The following SNTG2 variants were observed in gnomAD, a reference collection of about 807,000 sequenced individuals.
The protein encoded by SNTG2 is syntrophin gamma 2, also known as gamma-2-syntrophin.
A neutral mutation model predicts 70.9 loss-of-function variants in SNTG2; 74 were observed. The ratio of observed to expected loss-of-function variants is 1.04; its 90% CI spans 0.86 to 1.27. The LOEUF is 1.27. SNTG2 is among the 50% of genes most tolerant of loss of function. SNTG2 has a pLI of 0.00. For missense variants in SNTG2, 717 were observed against 690.7 expected, an observed-to-expected ratio of 1.04 and a Z score of -0.43; for synonymous variants, 278 against 273.8, an observed-to-expected ratio of 1.02 and a Z score of -0.15.
chr2:1,110,101 T>G (rs1214154886), intron 4 of SNTG2, among the ~76,000 whole-genome samples: 2 of 151,966 alleles, frequency 1.3e-5, no homozygotes, highest in Non-Finnish European at 2.9e-5. Flanking sequence ...CTACATTTGG[T>G]GGGGAAGGAA....
In SNTG2 at chr2:1,097,991, T is replaced by C. The variant is rs1665505201; in HGVS notation, c.211-205T>C. ...CAGACAATGCCTGGAATGGGGCCTA[T>C]TCTTTATCACTGTCTTCGTTTTCAT... On this transcript the variant is annotated intron_variant, in intron 2 of 16. Coordinates refer to ENST00000308624, the MANE Select transcript of SNTG2 (RefSeq NM_018968.4). This position sits in a 1 kb window ranked among gnomAD's most constrained non-coding sequence, Gnocchi z 4.1. Among the ~76,000 whole-genome samples, 1 of 152,106 alleles carries C rather than the reference T, an allele frequency of 6.6e-6. No homozygotes were observed. The highest frequency in any genetic ancestry group is 2.1e-4 in the South Asian group (1 of 4,832).
intron 1 of SNTG2, among the ~76,000 whole-genome samples, chr2:1,077,189 T>G (rs1230216317): frequency 6.6e-6 from 1 of 152,188 alleles, no homozygotes; most frequent in Non-Finnish European, 1.5e-5. Flanking sequence ...GGATGAATTC[T>G]TAGAAGTAAA....
In SNTG2 at chr2:1,278,438, C is replaced by A. The variant is rs955496498; in HGVS notation, c.1284+10867C>A. Among the ~76,000 whole-genome samples, 105 of 152,256 alleles carry A rather than the reference C, an allele frequency of 6.9e-4. 1 individual carries two copies. Among genetic ancestry groups the A allele is most frequent in the African/African-American group, 2.5e-3 (104 of 41,532 alleles). ...GCTAGTGAGGTCTGCTGTTACCTGA[C>A]CATGTCAGTTACTGCACCATGCTAT... On this transcript the variant is annotated intron_variant, in intron 14 of 16. Coordinates refer to ENST00000308624, the MANE Select transcript of SNTG2 (RefSeq NM_018968.4).
At chr2:1,209,773 G>A (rs1406468277) in intron 9 of SNTG2, among the ~76,000 whole-genome samples, 7 of 152,182 alleles carry the variant, frequency 4.6e-5, no homozygotes, top group Non-Finnish European at 8.8e-5. Context: ...TTGGCTAATT[G>A]TGCTATTTAA....
chr2:1,338,446 T>G (rs532335994), intron 16 of SNTG2, among the ~76,000 whole-genome samples: 3 of 152,332 alleles, frequency 2.0e-5, no homozygotes, highest in South Asian at 2.1e-4. Flanking sequence ...TACTTTTTCA[T>G]CCTATTGTAA....
chr2:1,144,767 A>G (rs7598014), intron 6 of SNTG2, among the ~76,000 whole-genome samples: 56,424 of 152,054 alleles, frequency 0.37, 11,280 homozygotes, highest in East Asian at 0.83. Flanking sequence ...CCATGATTCA[A>G]TTACCTCCCA....
intron 6 of SNTG2, among the ~76,000 whole-genome samples, chr2:1,162,266 T>C (rs1324372327): frequency 2.6e-5 from 4 of 151,988 alleles, no homozygotes; most frequent in Non-Finnish European, 4.4e-5. Flanking sequence ...ATAGACTCAC[T>C]TACCTCGGGT....
At position 1,367,411 on chromosome 2, in the gene SNTG2, C is replaced by G; in HGVS notation, c.1557C>G (p.Ala519=). The G allele has an allele frequency of 1.9e-6, 3 of 1,551,744 alleles. No individual in the cohort carries two copies. The highest frequency in any genetic ancestry group is 2.6e-6 in the Non-Finnish European group (3 of 1,147,012). The part of the protein sequence containing the change: ...CIHSFIAAKV[A]SVDPGFMDSQ... ...ACTCCTTCATAGCAGCCAAGGTGGC[C>G]TCCGTGGACCCCGGCTTCATGGACA... The change falls in exon 17 of 17, where the codon GCC becomes GCG. Residue 519 remains alanine, a synonymous_variant. Transcript: ENST00000308624.
chr2:1,336,624 G>A (rs1659831223), intron 16 of SNTG2, among the ~76,000 whole-genome samples: 1 of 152,080 alleles, frequency 6.6e-6, no homozygotes, highest in South Asian at 2.1e-4. Flanking sequence ...TCCATTTTGA[G>A]TTGATTTTTT....
At chr2:1,095,100 G>A (rs200977594) in intron 2 of SNTG2, among the ~76,000 whole-genome samples, 1 of 151,364 alleles carries the variant, frequency 6.6e-6, no homozygotes, top group Non-Finnish European at 1.5e-5. Context: ...GAAAAAAAAA[G>A]AGAGAGAGAG....
chr2:1,072,437 C>A (rs1003018218), intron 1 of SNTG2, among the ~76,000 whole-genome samples: 2 of 144,256 alleles, frequency 1.4e-5, no homozygotes, highest in South Asian at 4.4e-4. Context: ...TAAATAAAAC[C>A]ACAAAGACTG....
intron 1 of SNTG2, among the ~76,000 whole-genome samples, chr2:1,007,864 C>A (rs1355309282): frequency 2.6e-5 from 4 of 152,180 alleles, no homozygotes; most frequent in African/African-American, 9.7e-5. Context: ...ACCTCCACCC[C>A]CTGCCTCAGC....
intron 1 of SNTG2, among the ~76,000 whole-genome samples, chr2:998,237 T>A (rs1185935447): frequency 1.3e-5 from 2 of 152,080 alleles, no homozygotes; most frequent in Non-Finnish European, 2.9e-5. Flanking sequence ...TCTGGAAGTA[T>A]GAACAGAGTA....
chr2:1,297,771 G>T (rs542629984), intron 14 of SNTG2, among the ~76,000 whole-genome samples: 20 of 152,356 alleles, frequency 1.3e-4, no homozygotes, highest in African/African-American at 4.6e-4. Context: ...GGTCCAGAAG[G>T]CAGGGATCTT....
At chr2:1,131,325 C>G (rs1170478358) in intron 4 of SNTG2, among the ~76,000 whole-genome samples, 1 of 152,132 alleles carries the variant, frequency 6.6e-6, no homozygotes, top group Non-Finnish European at 1.5e-5. Flanking sequence ...TCTTTCTTAT[C>G]AGGAGGTAAA....
intron 1 of SNTG2, among the ~76,000 whole-genome samples, chr2:967,666 A>G (rs1194489651): frequency 6.6e-6 from 1 of 151,990 alleles, no homozygotes; most frequent in African/African-American, 2.4e-5. Flanking sequence ...GTTTCTCTTC[A>G]TGTTGTGCCT....
chr2:1,175,433 G>A (rs1031575263), intron 8 of SNTG2, among the ~76,000 whole-genome samples: 4 of 151,946 alleles, frequency 2.6e-5, no homozygotes, highest in Admixed American at 2.0e-4. Context: ...TTTTTCTTGT[G>A]AATTTCAATA....
chr2:1,149,708 A>AG (rs1558458484), intron 6 of SNTG2, among the ~76,000 whole-genome samples: 2 of 142,374 alleles, frequency 1.4e-5, no homozygotes, highest in South Asian at 2.5e-4. Context: ...TTTTTTTTCA[A>AG]ATGGAATCTG....
chr2:1,053,311 GT>G (rs57329298), intron 1 of SNTG2, among the ~76,000 whole-genome samples: 29,410 of 151,982 alleles, frequency 0.19, 4,464 homozygotes, highest in African/African-American at 0.42. Context: ...TGCATTAAAA[GT>G]TTTTTTTATT....
Sources: gnomAD v4.1 joint callset for allele counts (sites outside exome capture counted in the v4.1 genomes callset) on GRCh38, gnomAD v4.1.1 for gene constraint, Gnocchi (gnomAD v3.1) non-coding constraint, MANE v1.5 for transcripts, NCBI Gene and HGNC (gene_info 2026-07-23, HGNC 2026-07-21) for gene names.